Variants in CDYL observed in about 807,000 individuals in gnomAD.
CDYL encodes the protein chromodomain Y like, also known as chromodomain Y-like protein.
Under a neutral mutation model 47.3 loss-of-function variants are expected in CDYL, and 8 were observed. That is an observed-to-expected ratio of 0.17 (90% confidence interval 0.10 to 0.31). The LOEUF is 0.31. CDYL is among the 10% of genes least tolerant of loss of function. The pLI is 1.00. For missense variants in CDYL, 471 were observed against 701.4 expected (o/e 0.67, Z 3.71); for synonymous variants, 266 against 265.0 (o/e 1.00, Z -0.04).
At chr6:4,709,021 A>AAAAT (rs1218238003) in intron 1 of CDYL, among the ~76,000 whole-genome samples, 1 of 152,110 alleles carries the variant, frequency 6.6e-6, no homozygotes, top group Non-Finnish European at 1.5e-5. Flanking sequence ...AAAATAAAAT[A>AAAAT]AAATAAAATA....
At chr6:4,738,364 G>C (rs1757739162) in intron 3 of CDYL, among the ~76,000 whole-genome samples, 2 of 149,248 alleles carry the variant, frequency 1.3e-5, no homozygotes, top group African/African-American at 5.0e-5. Context: ...GGGTGACCAA[G>C]TGAGACTCTG....
intron 1 of CDYL, among the ~76,000 whole-genome samples, chr6:4,862,807 AC>A (rs1334084745): frequency 3.3e-5 from 5 of 152,222 alleles, no homozygotes; most frequent in African/African-American, 1.2e-4. Flanking sequence ...TTCTCAAAGA[AC>A]TAAAATTAGA....
intron 1 of CDYL, among the ~76,000 whole-genome samples, chr6:4,788,502 A>AAT (rs70974137): frequency 6.7e-6 from 1 of 148,740 alleles, no homozygotes; most frequent in Non-Finnish European, 1.5e-5. Context: ...AAAAAAAAAA[A>AAT]GGCTTTTCAG....
At chr6:4,943,486 C>G in intron 4 of CDYL, 60 bp from the exon 5 acceptor site, 1 of 1,224,036 alleles carries the variant, frequency 8.2e-7, no homozygotes, top group Non-Finnish European at 1.2e-6. Flanking sequence ...CCATAATAGA[C>G]TTTTCCTTTG....
At chr6:4,940,949 C>T (rs934070106) in intron 4 of CDYL, among the ~76,000 whole-genome samples, 1 of 152,252 alleles carries the variant, frequency 6.6e-6, no homozygotes, top group Non-Finnish European at 1.5e-5. Flanking sequence ...CAGGTCCCTG[C>T]TGCCTCCTTC....
At chr6:4,811,273 A>T (rs987151235) in intron 1 of CDYL, among the ~76,000 whole-genome samples, 1 of 152,250 alleles carries the variant, frequency 6.6e-6, no homozygotes, top group Non-Finnish European at 1.5e-5. Context: ...AATACTAAAG[A>T]TAGAACTAGC....
At chr6:4,791,195 CA>C (rs1758907305) in intron 1 of CDYL, among the ~76,000 whole-genome samples, 1 of 152,286 alleles carries the variant, frequency 6.6e-6, no homozygotes, top group East Asian at 1.9e-4. Context: ...TCTTTGTCAT[CA>C]ATACCACTGT....
At chr6:4,762,957 A>G (rs1758198469) in intron 3 of CDYL, among the ~76,000 whole-genome samples, 1 of 152,174 alleles carries the variant, frequency 6.6e-6, no homozygotes, top group Non-Finnish European at 1.5e-5. Context: ...CAACCAGGAT[A>G]AATACACAAA....
intron 2 of CDYL, among the ~76,000 whole-genome samples, chr6:4,931,911 G>C (rs9378921): frequency 0.67 from 101,189 of 152,090 alleles, 34,252 homozygotes; most frequent in Middle Eastern, 0.84. Context: ...AGTTCGTAGG[G>C]ACTATCGCCT....
At position 4,787,526 on chromosome 6, in the gene CDYL, T is replaced by C. The variant is rs1758786379; in HGVS notation, c.24+10719T>C. Among the ~76,000 whole-genome samples, 5 of 152,160 alleles carry C rather than the reference T, an allele frequency of 3.3e-5. No individual in the cohort carries two copies. In the South Asian group the frequency reaches 1.0e-3, roughly 32 times the overall value. On this transcript the variant is annotated intron_variant, in intron 1 of 6. Coordinates refer to ENST00000397588, the MANE Select transcript of CDYL (RefSeq NM_004824.4). ...TGTATAGAGTATGTTGAAAAGATCA[T>C]GGAAATGAGGTCCTGTGGAAGTGCG...
At chr6:4,848,109 C>T (rs531443020) in intron 1 of CDYL, among the ~76,000 whole-genome samples, 2 of 152,164 alleles carry the variant, frequency 1.3e-5, no homozygotes, top group South Asian at 4.2e-4. Context: ...AAAATTTAAC[C>T]ATAGTTACAT....
intron 1 of CDYL, among the ~76,000 whole-genome samples, chr6:4,788,850 G>A (rs928644926): frequency 6.6e-6 from 1 of 151,876 alleles, no homozygotes; most frequent in African/African-American, 2.4e-5. Flanking sequence ...TAGGATCCCC[G>A]CAGGCTTTGC....
chr6:4,712,291 T>C (rs1425616742), intron 1 of CDYL, among the ~76,000 whole-genome samples: 2 of 152,148 alleles, frequency 1.3e-5, no homozygotes, highest in African/African-American at 4.8e-5. Flanking sequence ...TCCCAAATCC[T>C]TGGCAGATGT....
At chr6:4,729,023 C>T (rs1757559624) in intron 2 of CDYL, among the ~76,000 whole-genome samples, 1 of 152,164 alleles carries the variant, frequency 6.6e-6, no homozygotes, top group African/African-American at 2.4e-5. Flanking sequence ...GTCCCAGTCT[C>T]CCTCTTAGGA....
chr6:4,834,973 G>T (rs1054051746), intron 1 of CDYL, among the ~76,000 whole-genome samples: 2 of 152,134 alleles, frequency 1.3e-5, no homozygotes, highest in African/African-American at 2.4e-5. Flanking sequence ...TTATACATTC[G>T]TCTAAATTTT....
intron 1 of CDYL, among the ~76,000 whole-genome samples, chr6:4,779,616 A>G (rs745476968): frequency 1.3e-5 from 2 of 152,230 alleles, no homozygotes; most frequent in African/African-American, 4.8e-5. Context: ...AAGAGTTACT[A>G]TTAGTTGAAG....
chr6:4,833,651 C>A (rs1760211620), intron 1 of CDYL, among the ~76,000 whole-genome samples: 1 of 151,246 alleles, frequency 6.6e-6, no homozygotes, highest in Admixed American at 6.6e-5. Flanking sequence ...TCTTGTTGAT[C>A]TGTCTAATGT....
chr6:4,815,676 T>TTA (rs1330416371), intron 1 of CDYL, among the ~76,000 whole-genome samples: 1 of 149,456 alleles, frequency 6.7e-6, no homozygotes, highest in African/African-American at 2.5e-5. Context: ...GATTTCACTT[T>TTA]TTTTTTTTTT....
chr6:4,711,349 C>G (rs1000229265), intron 1 of CDYL, among the ~76,000 whole-genome samples: 51 of 152,302 alleles, frequency 3.3e-4, no homozygotes, highest in Non-Finnish European at 6.5e-4. Context: ...AATCTAGCAA[C>G]CTCAAGGCTC....
Sources: allele counts gnomAD v4.1 joint callset (sites outside exome capture counted in the v4.1 genomes callset), GRCh38; gene constraint gnomAD v4.1.1; transcripts MANE v1.5; gene names NCBI Gene and HGNC (gene_info 2026-07-23, HGNC 2026-07-21).